RAB2A: variants seen among roughly 807,000 people sequenced by gnomAD.
RAB2A encodes the protein RAB2A, member RAS oncogene family.
In RAB2A, 7 loss-of-function variants were observed where a neutral mutation model predicts 32.5. The observed-to-expected ratio is 0.22, with a 90% CI of 0.12 to 0.40. RAB2A has a LOEUF of 0.40. RAB2A is among the 10% of genes least tolerant of loss of function. The pLI is 1.00. For synonymous variants in RAB2A, 79 were observed against 85.2 expected (o/e 0.93, Z 0.40); for missense variants, 108 against 260.7 (o/e 0.41, Z 4.03).
intron 1 of RAB2A, among the ~76,000 whole-genome samples, chr8:60,529,860 G>A (rs1807449306): frequency 6.6e-6 from 1 of 152,204 alleles, no homozygotes; most frequent in Non-Finnish European, 1.5e-5. Flanking sequence ...GGGTGCTAGA[G>A]TTTTAGAAAT....
At chr8:60,545,151 C>T (rs911362243) in intron 1 of RAB2A, among the ~76,000 whole-genome samples, 8 of 152,104 alleles carry the variant, frequency 5.3e-5, no homozygotes, top group African/African-American at 1.9e-4. Flanking sequence ...TGGTTTAGGA[C>T]AAGGAAAATG....
chr8:60,604,164 G>T (rs1212839768), intron 6 of RAB2A, among the ~76,000 whole-genome samples: 1 of 152,096 alleles, frequency 6.6e-6, no homozygotes. Context: ...TCCTGCTGTG[G>T]TCACGTGAAG....
chr8:60,533,894 C>T (rs1041893768), intron 1 of RAB2A, among the ~76,000 whole-genome samples: 3 of 152,050 alleles, frequency 2.0e-5, no homozygotes, highest in Non-Finnish European at 4.4e-5. Context: ...CGCTTGAAGG[C>T]GGAGGTTGCA....
At chr8:60,614,621 C>T (rs1804418440) in intron 6 of RAB2A, among the ~76,000 whole-genome samples, 1 of 152,180 alleles carries the variant, frequency 6.6e-6, no homozygotes, top group African/African-American at 2.4e-5. Flanking sequence ...TGTGTATTTA[C>T]TGAATGTTTA....
At chr8:60,556,740 G>A (rs942330011) in intron 1 of RAB2A, among the ~76,000 whole-genome samples, 1 of 151,576 alleles carries the variant, frequency 6.6e-6, no homozygotes, top group African/African-American at 2.4e-5. Context: ...CCAACACTTA[G>A]TCAGAATGAG....
At chr8:60,553,920 A>C (rs1220341070) in intron 1 of RAB2A, among the ~76,000 whole-genome samples, 1 of 152,230 alleles carries the variant, frequency 6.6e-6, no homozygotes, top group Non-Finnish European at 1.5e-5. Flanking sequence ...ATGAATTTAA[A>C]TTTGCCAGGG....
intron 1 of RAB2A, chr8:60,552,808 T>A (rs1381856571): frequency 1.3e-5 from 2 of 152,214 alleles, no homozygotes; most frequent in Non-Finnish European, 2.9e-5. Context: ...ATTTTCTCTC[T>A]CTTATCAGTC....
chr8:60,606,931 T>C (rs1390577011), intron 6 of RAB2A, among the ~76,000 whole-genome samples: 2 of 152,136 alleles, frequency 1.3e-5, no homozygotes, highest in Admixed American at 6.5e-5. Context: ...ATGCCTAAAA[T>C]TGGAATTGGC....
chr8:60,565,858 G>A lies in RAB2A; in HGVS notation c.119-6188G>A, dbSNP rs140833747. ...CCTGAGTAGCTGAGACTACAGGCAC[G>A]TGCCACCACACCCGGATAATTTTTT... On this transcript the variant is annotated intron_variant, in intron 2 of 7. Coordinates refer to ENST00000262646, the MANE Select transcript of RAB2A (RefSeq NM_002865.3). Among the ~76,000 whole-genome samples, 722 of 151,608 alleles carry A rather than the reference G, an allele frequency of 4.8e-3. 7 individuals carry two copies. Among genetic ancestry groups the A allele is most frequent in the African/African-American group, 0.016 (648 of 41,370 alleles).
chr8:60,578,896 G>T (rs1037048553), intron 3 of RAB2A, among the ~76,000 whole-genome samples: 1 of 152,222 alleles, frequency 6.6e-6, no homozygotes, highest in African/African-American at 2.4e-5. Context: ...AGATGAAGGT[G>T]TAAGACTTCT....
intron 1 of RAB2A, among the ~76,000 whole-genome samples, chr8:60,541,012 A>G (rs1807636078): frequency 6.6e-6 from 1 of 152,194 alleles, no homozygotes. Flanking sequence ...GTTCCTTTCC[A>G]TTGGAGAAGC....
intron 6 of RAB2A, among the ~76,000 whole-genome samples, chr8:60,614,987 G>A (rs1045745896): frequency 6.6e-6 from 1 of 152,186 alleles, no homozygotes; most frequent in Non-Finnish European, 1.5e-5. Context: ...CATAATCGTG[G>A]ATCTGCCTAG....
intron 5 of RAB2A, among the ~76,000 whole-genome samples, chr8:60,591,283 C>T (rs1233801173): frequency 6.6e-6 from 1 of 151,690 alleles, no homozygotes; most frequent in Non-Finnish European, 1.5e-5. Flanking sequence ...TCCGTTTCTC[C>T]TTTTCTGTCT....
intron 1 of RAB2A, among the ~76,000 whole-genome samples, chr8:60,521,294 A>G (rs759231616): frequency 3.3e-5 from 5 of 152,192 alleles, no homozygotes; most frequent in Admixed American, 2.6e-4. Flanking sequence ...CAGAGTGGGC[A>G]TGGGGGAATG....
intron 6 of RAB2A, among the ~76,000 whole-genome samples, chr8:60,598,992 A>G (rs906913671): frequency 5.9e-5 from 9 of 151,268 alleles, no homozygotes; most frequent in African/African-American, 2.2e-4. Context: ...TAAGAAAGGA[A>G]GAAATAAAAA....
At chr8:60,537,493 G>A (rs1185749617) in intron 1 of RAB2A, among the ~76,000 whole-genome samples, 2 of 152,122 alleles carry the variant, frequency 1.3e-5, no homozygotes, top group Admixed American at 6.5e-5. Context: ...AAAGTGCAGG[G>A]ATTACAGGCG....
intron 1 of RAB2A, chr8:60,552,519 A>G (rs971985783): frequency 2.6e-5 from 4 of 152,170 alleles, no homozygotes; most frequent in Non-Finnish European, 4.4e-5. Flanking sequence ...TGATGGATTC[A>G]TTGTTTTACA....
At chr8:60,569,720 C>T (rs1808169035) in intron 2 of RAB2A, among the ~76,000 whole-genome samples, 1 of 152,112 alleles carries the variant, frequency 6.6e-6, no homozygotes, top group South Asian at 2.1e-4. Context: ...CCTACGTTGT[C>T]CAGGCTAGTT....
chr8:60,590,968 G>A (rs1278593138), intron 5 of RAB2A, among the ~76,000 whole-genome samples: 1 of 152,040 alleles, frequency 6.6e-6, no homozygotes, highest in African/African-American at 2.4e-5. Flanking sequence ...CACAGGTGGT[G>A]ATTCTGCTGT....
Sources: gnomAD v4.1 joint callset for allele counts (sites outside exome capture counted in the v4.1 genomes callset) on GRCh38, gnomAD v4.1.1 for gene constraint, MANE v1.5 for transcripts, NCBI Gene and HGNC (gene_info 2026-07-23, HGNC 2026-07-21) for gene names.